Variants in SPNS3 observed in about 807,000 individuals in gnomAD.
SPNS3 encodes the protein SPNS lysolipid transporter 3, sphingosine-1-phosphate (putative).
In SPNS3, 51 loss-of-function variants were observed where a neutral mutation model predicts 54.4. That is an observed-to-expected ratio of 0.94 (90% CI 0.75 to 1.18). The LOEUF (loss-of-function observed/expected upper bound fraction) is 1.18. Among genes scored for constraint, SPNS3 ranks in the 50% most tolerant of loss-of-function variants. The pLI, the probability that SPNS3 is intolerant of heterozygous loss-of-function variation, is 0.00. For missense variants in SPNS3, 669 were observed against 677.4 expected (o/e 0.99, Z 0.14); for synonymous variants, 309 against 294.7 (o/e 1.05, Z -0.50).
chr17:4,437,782 A>C (rs1041984039), intron 1 of SPNS3, among the ~76,000 whole-genome samples: 1 of 137,256 alleles, frequency 7.3e-6, no homozygotes, highest in African/African-American at 2.7e-5. Flanking sequence ...GTCTAAACAA[A>C]GATTTCTTTT....
chr17:4,481,924 C>G (rs112185600), intron 9 of SPNS3: 2 of 151,050 alleles, frequency 1.3e-5, no homozygotes, highest in Non-Finnish European at 2.9e-5. Context: ...GAGTCTCGCA[C>G]TGTCGCCAGG....
intron 9 of SPNS3, among the ~76,000 whole-genome samples, chr17:4,479,190 T>C (rs6502790): frequency 0.8 from 121,925 of 152,268 alleles, 49,485 homozygotes; most frequent in East Asian, 0.97. Flanking sequence ...ATCTGCCCGC[T>C]TCGGCCTCCC....
At chr17:4,445,246 C>CAGAAT in intron 3 of SPNS3, 78 bp downstream of exon 3, 1 of 1,440,546 alleles carries the variant, frequency 6.9e-7, no homozygotes, top group Non-Finnish European at 9.5e-7. Context: ...CCCGTCAGAG[C>CAGAAT]TGCGTGGGGA....
intron 1 of SPNS3, 73 bp from the exon 2 acceptor site, chr17:4,439,585 A>C (rs1167781054): frequency 1.4e-6 from 2 of 1,475,818 alleles, no homozygotes; most frequent in East Asian, 2.4e-5. Context: ...CCCTGTGCCA[A>C]ACCTGGAGCA....
In SPNS3 at chr17:4,440,352, C is replaced by T. The variant is rs796668872; in HGVS notation, c.265+629C>T. Among the ~76,000 whole-genome samples, 31 of 152,268 alleles carry T rather than the reference C, an allele frequency of 2.0e-4. 1 individual carries two copies. The highest frequency in any genetic ancestry group is 6.5e-4 in the African/African-American group (27 of 41,564). On this transcript the variant is annotated intron_variant, in intron 2 of 11. Transcript: ENST00000355530. ...CATGTGCACACACATGGTCACAACACGTGATACGCCTGTGCACACACCCAG... is the reference window on the plus strand; with the variant it reads ...CATGTGCACACACATGGTCACAACATGTGATACGCCTGTGCACACACCCAG...
intron 8 of SPNS3, among the ~76,000 whole-genome samples, chr17:4,459,174 G>T (rs948594853): frequency 6.6e-6 from 1 of 151,998 alleles, no homozygotes; most frequent in African/African-American, 2.4e-5. Context: ...GTCGTCCTGG[G>T]GTCTCAGTTA....
At chr17:4,467,812 C>T (rs55696302) in intron 8 of SPNS3, among the ~76,000 whole-genome samples, 51,950 of 152,060 alleles carry the variant, frequency 0.34, 11,600 homozygotes, top group East Asian at 0.82. Flanking sequence ...ATTACAGGCA[C>T]CTGCCACCAT....
intron 2 of SPNS3, among the ~76,000 whole-genome samples, chr17:4,442,945 C>T (rs1970889701): frequency 1.3e-5 from 2 of 152,192 alleles, no homozygotes; most frequent in Admixed American, 1.3e-4. Context: ...TGTCTGTTTT[C>T]CCCTTGGGAA....
chr17:4,468,499 G>A (rs1971745480), intron 8 of SPNS3, among the ~76,000 whole-genome samples: 1 of 151,946 alleles, frequency 6.6e-6, no homozygotes, highest in Non-Finnish European at 1.5e-5. Context: ...AAAGGAAGGA[G>A]TCCAGGGCGG....
intron 9 of SPNS3, among the ~76,000 whole-genome samples, chr17:4,480,681 G>T (rs1292038998): frequency 6.6e-6 from 1 of 152,186 alleles, no homozygotes; most frequent in Non-Finnish European, 1.5e-5. Context: ...GTGGGGGAAG[G>T]GTGGAAGGAG....
At position 4,486,090 on chromosome 17, in the gene SPNS3, T is replaced by C. The variant is rs1251442869; in HGVS notation, c.1180-138T>C. On this transcript the variant is annotated intron_variant, in intron 9 of 11. Transcript: ENST00000355530. The surrounding 1 kb of genome is among the most constrained non-coding windows in gnomAD (Gnocchi z 5.5). ...ATGTTCTGGGGTGGGACTTTAGACC[T>C]TGGGGACCGTCGACTCCCTCCCATC... 8 of 664,138 alleles carry C rather than the reference T, an allele frequency of 1.2e-5. No homozygotes were observed. In the East Asian group the frequency reaches 1.9e-4, roughly 16 times the overall value. 41.1% of individuals were successfully genotyped at this position (664,138 alleles called of 1,614,324 possible).
intron 8 of SPNS3, among the ~76,000 whole-genome samples, chr17:4,469,041 G>A (rs1971781594): frequency 6.6e-6 from 1 of 151,902 alleles, no homozygotes; most frequent in Non-Finnish European, 1.5e-5. Flanking sequence ...GCCCACCTCA[G>A]CCTCCCAAAG....
At chr17:4,460,557 G>A (rs1421728090) in intron 8 of SPNS3, among the ~76,000 whole-genome samples, 1 of 148,770 alleles carries the variant, frequency 6.7e-6, no homozygotes, top group African/African-American at 2.5e-5. Context: ...TCAGCCTCCC[G>A]AGTAGCTGGG....
rs536166976 is a variant in SPNS3, at chr17:4,464,625, C to T, written c.1113+11420C>T. On this transcript the variant is annotated intron_variant, in intron 8 of 11. Coordinates refer to ENST00000355530, the MANE Select transcript of SPNS3 (RefSeq NM_182538.5). The stretch of plus-strand genomic sequence containing the variant: ...TCTTAGCAAGAAAATGGGAGTGCTA[C>T]TCTTTACCTCTCGGCTTCATTAAAG... Among the ~76,000 whole-genome samples the T allele has an allele frequency of 3.9e-5, 6 of 152,320 alleles. No homozygotes were observed. The South Asian group carries it at 1.2e-3, about 32-fold the overall frequency.
At chr17:4,450,767 T>TTA (rs1971142699) in intron 7 of SPNS3, among the ~76,000 whole-genome samples, 1 of 149,798 alleles carries the variant, frequency 6.7e-6, no homozygotes, top group Non-Finnish European at 1.5e-5. Context: ...CAGCTATTTT[T>TTA]TTTTTTTTTT....
chr17:4,453,490 C>T (rs551372082), intron 8 of SPNS3, among the ~76,000 whole-genome samples: 40 of 152,260 alleles, frequency 2.6e-4, no homozygotes, highest in African/African-American at 8.7e-4. Flanking sequence ...TGGTGGCAGG[C>T]ACCTATAATC....
chr17:4,457,932 G>A (rs1971357546), intron 8 of SPNS3, among the ~76,000 whole-genome samples: 1 of 152,150 alleles, frequency 6.6e-6, no homozygotes, highest in Non-Finnish European at 1.5e-5. Context: ...GCGCTGGGAA[G>A]CTGCTGGGTC....
rs991986621 is a variant in SPNS3, at chr17:4,480,876, C to T, written c.1179+2239C>T. ...CCCCTTCCCTGCCTTCCCACCTGCC[C>T]GGAGCCCCGTGGCCAAAGATGCCTT... On this transcript the variant is annotated intron_variant, in intron 9 of 11. Coordinates refer to ENST00000355530, the MANE Select transcript of SPNS3 (RefSeq NM_182538.5). Among the ~76,000 whole-genome samples the T allele has an allele frequency of 9.2e-5, 14 of 152,312 alleles. No homozygotes were observed. In the South Asian group the frequency reaches 2.3e-3, roughly 25 times the overall value.
chr17:4,477,970 C>CT (rs397837193), intron 8 of SPNS3, among the ~76,000 whole-genome samples: 9,804 of 97,468 alleles, frequency 0.1, 1,389 homozygotes, highest in African/African-American at 0.24. Context: ...TTCACTTTTC[C>CT]TTTTTTTTTT....
Sources: allele counts gnomAD v4.1 joint callset (sites outside exome capture counted in the v4.1 genomes callset), GRCh38; gene constraint gnomAD v4.1.1; non-coding constraint Gnocchi (gnomAD v3.1); transcripts MANE v1.5; gene names NCBI Gene and HGNC (gene_info 2026-07-23, HGNC 2026-07-21).